Variants in SPAM1 observed in about 807,000 individuals in gnomAD.
SPAM1 encodes the protein sperm adhesion molecule 1.
A neutral mutation model predicts 29.6 loss-of-function variants in SPAM1; 22 were observed. The ratio of observed to expected loss-of-function variants is 0.74; its 90% CI spans 0.53 to 1.06. The LOEUF is 1.06. Among genes scored for constraint, SPAM1 ranks in the 50% least tolerant of loss-of-function variants. The pLI is 0.00. For missense variants in SPAM1, 534 were observed against 604.0 expected, an observed-to-expected ratio of 0.88 and a Z score of 1.21; for synonymous variants, 194 against 204.6, an observed-to-expected ratio of 0.95 and a Z score of 0.44.
chr7:123,969,789 T>C (rs1792474021), intron 5 of SPAM1, among the ~76,000 whole-genome samples: 1 of 151,900 alleles, frequency 6.6e-6, no homozygotes, highest in Non-Finnish European at 1.5e-5. Flanking sequence ...TTTTTTTTTT[T>C]TGACTCACCC....
In SPAM1 at chr7:123,938,693, C is replaced by T. The variant is rs10236828; in HGVS notation, c.-318-11179C>T. Among the ~76,000 whole-genome samples, 1,303 of 152,242 alleles carry T rather than the reference C, an allele frequency of 8.6e-3. 18 individuals carry two copies. The highest frequency in any genetic ancestry group is 0.03 in the African/African-American group (1,239 of 41,526). On this transcript the variant is annotated intron_variant, in intron 1 of 4. Coordinates refer to ENST00000682466, the MANE Select transcript of SPAM1 (RefSeq NM_153189.3). ...ACTTTGGCAAATCATAGAAATAAAA[C>T]CCAAAAGTCATCTGACTGGTCGAGA...
intron 1 of SPAM1, among the ~76,000 whole-genome samples, chr7:123,934,902 G>T (rs779331360): frequency 6.6e-6 from 1 of 152,106 alleles, no homozygotes; most frequent in Admixed American, 6.5e-5. Context: ...GGAGGAATAA[G>T]TTCCAGTGTT....
chr7:123,940,542 G>T (rs914368341), intron 1 of SPAM1, among the ~76,000 whole-genome samples: 12 of 151,328 alleles, frequency 7.9e-5, no homozygotes, highest in Admixed American at 2.6e-4. Context: ...GGGCTGGGGT[G>T]TGGTGGTGCA....
At chr7:123,948,517 T>C (rs1246638976) in intron 1 of SPAM1, among the ~76,000 whole-genome samples, 2 of 152,126 alleles carry the variant, frequency 1.3e-5, no homozygotes, top group Non-Finnish European at 2.9e-5. Flanking sequence ...GGAGGCCATT[T>C]TCAGTATTGT....
chr7:123,953,863 A>T lies in SPAM1; in HGVS notation c.293A>T (p.Tyr98Phe). ...ATATTTTATGTTGATAGACTTGGCT[A>T]CTATCCTTACATAGATTCAATCACA... is the stretch of plus-strand genomic sequence containing the variant. ...VTIFYVDRLGYYPYIDSITGV... is the reference protein window; with the variant it reads ...VTIFYVDRLGFYPYIDSITGV... The change falls in exon 3 of 5, where the codon TAC (tyrosine) becomes TTC (phenylalanine). Residue 98 changes from tyrosine (Y) to phenylalanine (F), a missense_variant. Transcript: ENST00000682466. 6.2e-7 allele frequency: 1 copy of T among 1,613,714 alleles called. No individual in the cohort carries two copies.
chr7:123,955,614 G>T (rs188624209), intron 4 of SPAM1, among the ~76,000 whole-genome samples: 250 of 152,022 alleles, frequency 1.6e-3, no homozygotes, highest in Middle Eastern at 3.4e-3. Flanking sequence ...GGACCTCAGC[G>T]AATAGTCTAT....
chr7:123,942,217 T>G (rs1563024783), intron 1 of SPAM1, among the ~76,000 whole-genome samples: 1 of 152,222 alleles, frequency 6.6e-6, no homozygotes, highest in Non-Finnish European at 1.5e-5. Flanking sequence ...AGAAAAAATT[T>G]AATAGATTAT....
intron 6 of SPAM1, chr7:123,970,419 C>T: frequency 1.7e-6 from 1 of 598,662 alleles, no homozygotes; most frequent in Non-Finnish European, 2.8e-6. Context: ...CACTTAATTA[C>T]CTCTTAAAGA....
chr7:123,965,901 C>T (rs1317060769), intron 5 of SPAM1, among the ~76,000 whole-genome samples: 2 of 151,824 alleles, frequency 1.3e-5, no homozygotes, highest in Non-Finnish European at 2.9e-5. Flanking sequence ...GCGATATGGC[C>T]ATTTTAACAA....
At chr7:123,969,596 A>G (rs1460503568) in intron 5 of SPAM1, among the ~76,000 whole-genome samples, 2 of 152,018 alleles carry the variant, frequency 1.3e-5, no homozygotes, top group Non-Finnish European at 1.5e-5. Flanking sequence ...TCAGTTGGCC[A>G]TAGAAACATG....
At chr7:123,949,665 C>T (rs972849528) in intron 1 of SPAM1, among the ~76,000 whole-genome samples, 2 of 152,026 alleles carry the variant, frequency 1.3e-5, no homozygotes, top group Non-Finnish European at 2.9e-5. Flanking sequence ...AATATCTACA[C>T]GTAGCTACAT....
intron 1 of SPAM1, among the ~76,000 whole-genome samples, chr7:123,939,388 A>G (rs567801475): frequency 3.9e-5 from 6 of 152,202 alleles, no homozygotes; most frequent in African/African-American, 1.4e-4. Flanking sequence ...GTCCGGCCTC[A>G]AGTCTTTATT....
chr7:123,953,714 T>C lies in SPAM1; in HGVS notation c.144T>C (p.Pro48=). ...CACCTCCTGTTATTCCAAATGTGCC[T>C]TTCCTCTGGGCCTGGAATGCCCCAA... ...FRAPPVIPNV[P]FLWAWNAPSE... is the part of the protein sequence containing the mutation. The change falls in exon 3 of 5, where the codon CCT becomes CCC. Residue 48 remains proline, a synonymous_variant. Coordinates refer to ENST00000682466, the MANE Select transcript of SPAM1 (RefSeq NM_153189.3). 1.2e-6 allele frequency: 2 copies of C among 1,613,448 alleles called. No homozygotes were observed. The highest frequency in any genetic ancestry group is 1.7e-6 in the Non-Finnish European group (2 of 1,179,700).
rs567894900 is a variant in SPAM1 at position 123,947,085 on chromosome 7, C to T, written c.-318-2787C>T. 4.6e-5 allele frequency among the ~76,000 whole-genome samples: 7 copies of T among 152,112 alleles called. No homozygotes were observed. The East Asian group carries it at 1.4e-3, about 29-fold the overall frequency. On this transcript the variant is annotated intron_variant, in intron 1 of 4. Transcript: ENST00000682466. ...AGTATTTTTCTATCATAAAAAATATCCAACCTGTTTTATCATTTTGAAAAT... is the reference window on the plus strand; with the variant it reads ...AGTATTTTTCTATCATAAAAAATATTCAACCTGTTTTATCATTTTGAAAAT...
At chr7:123,960,117 T>C (rs1442934159), downstream of SPAM1, 1 of 1,165,790 alleles carries the variant, frequency 8.6e-7, no homozygotes, top group Non-Finnish European at 1.2e-6. Context: ...GACGATTTTC[T>C]TTGAACTTGA....
intron 4 of SPAM1, among the ~76,000 whole-genome samples, chr7:123,959,184 C>A (rs1340354675): frequency 6.6e-6 from 1 of 151,984 alleles, no homozygotes; most frequent in African/African-American, 2.4e-5. Context: ...CACACTTTAA[C>A]AGCTGTAGCA....
chr7:123,965,004 G>A (rs894302523), downstream of SPAM1, among the ~76,000 whole-genome samples: 8 of 151,932 alleles, frequency 5.3e-5, no homozygotes, highest in African/African-American at 1.9e-4. Flanking sequence ...TCATAAATAA[G>A]AAGAGCTTCT....
chr7:123,970,117 T>G lies in SPAM1; in HGVS notation c.1486-81T>G. On this transcript the variant is annotated intron_variant, in intron 5 of 6. Transcript: ENST00000340011. ...ATTTATTCTGTATATCTCCATTAGT[T>G]TGCTAGTGATGCTATAACAAAGTGC... The G allele has an allele frequency of 3.5e-6, 5 of 1,425,284 alleles. No homozygotes were observed. In the East Asian group the frequency reaches 7.5e-5, roughly 22 times the overall value. The allele number at this position is 1,425,284 out of a possible 1,614,324, so 88.3% of individuals were successfully genotyped here. A position where few individuals can be genotyped will look rare whatever the true frequency, so the allele number is the denominator to read the frequency against.
At chr7:123,941,030 G>A (rs1455736879) in intron 1 of SPAM1, among the ~76,000 whole-genome samples, 2 of 152,056 alleles carry the variant, frequency 1.3e-5, no homozygotes, top group Non-Finnish European at 2.9e-5. Flanking sequence ...GTACAAATTG[G>A]ACATGTGTGA....
Sources: gnomAD v4.1 joint callset for allele counts (sites outside exome capture counted in the v4.1 genomes callset) on GRCh38, gnomAD v4.1.1 for gene constraint, MANE v1.5 for transcripts, NCBI Gene and HGNC (gene_info 2026-07-23, HGNC 2026-07-21) for gene names.